The following ANAPC5 variants were observed in gnomAD, a reference collection of about 807,000 sequenced individuals.
ANAPC5 encodes the protein anaphase promoting complex subunit 5, also known as anaphase-promoting complex subunit 5.
In ANAPC5, 60 loss-of-function variants were observed where a neutral mutation model predicts 91.3. That is an observed-to-expected ratio of 0.66 (90% CI 0.53 to 0.81). The LOEUF (loss-of-function observed/expected upper bound fraction) is 0.81, where lower values mean the gene tolerates loss of function less well. ANAPC5 is among the 40% of genes least tolerant of loss of function. The probability of loss-of-function intolerance (pLI) is 0.00; values close to 1 mark genes in which losing one functional copy is unlikely to be tolerated. For synonymous variants in ANAPC5, 340 were observed against 364.1 expected (o/e 0.93, Z 0.75); for missense variants, 690 against 931.5 (o/e 0.74, Z 3.37).
At chr12:121,309,589 C>T (rs1240613176) in intron 16 of ANAPC5, 112 bp downstream of exon 16, 3 of 1,248,368 alleles carry the variant, frequency 2.4e-6, no homozygotes, top group South Asian at 1.5e-5. Flanking sequence ...TATTTGTGAA[C>T]ACTCAGAACT....
rs1555272514 is a variant in ANAPC5, at chr12:121,328,296, C to G, written c.1304+20G>C. The G allele has an allele frequency of 6.2e-7, 1 of 1,612,176 alleles. No homozygotes were observed. The highest frequency in any genetic ancestry group is 1.3e-5 in the African/African-American group (1 of 74,840). ...CTTCTCTCTAAAGAATTCACACCCC[C>G]AGGGCCTTGGGAGACCTACCTGCGG... On this transcript the variant is annotated intron_variant, in intron 10 of 16. Transcript: ENST00000261819.
chr12:121,310,890 C>T (rs1391968772), intron 15 of ANAPC5, among the ~76,000 whole-genome samples: 1 of 141,446 alleles, frequency 7.1e-6, no homozygotes, highest in African/African-American at 2.6e-5. Context: ...GCAGAGATCA[C>T]ACCACTGCAC....
At chr12:121,344,126 G>A (rs182041276) in intron 4 of ANAPC5, among the ~76,000 whole-genome samples, 3 of 152,264 alleles carry the variant, frequency 2.0e-5, no homozygotes, top group African/African-American at 7.2e-5. Flanking sequence ...CATTCTATGA[G>A]TCAGGCACTC....
chr12:121,344,319 CTGT>C (rs1555274397), intron 4 of ANAPC5, among the ~76,000 whole-genome samples: 7 of 152,176 alleles, frequency 4.6e-5, no homozygotes, highest in Non-Finnish European at 1.0e-4. Context: ...TGGCTCACGC[CTGT>C]AATCCCAGCA....
chr12:121,347,357 C>A (rs752928275), intron 2 of ANAPC5: 12 of 267,194 alleles, frequency 4.5e-5, no homozygotes, highest in Non-Finnish European at 8.5e-5. Context: ...CAGCCAGGTG[C>A]GGTTGCTCAC....
At chr12:121,349,370 G>A (rs1903797655) in intron 1 of ANAPC5, among the ~76,000 whole-genome samples, 1 of 152,044 alleles carries the variant, frequency 6.6e-6, no homozygotes, top group East Asian at 1.9e-4. Context: ...AGACTAGCCT[G>A]AGCAACATAG....
At chr12:121,331,129 T>C (rs1445717360) in intron 8 of ANAPC5, 1 of 487,382 alleles carries the variant, frequency 2.1e-6, no homozygotes, top group Non-Finnish European at 3.7e-6. Flanking sequence ...CATTAAACTT[T>C]GTAGAGCAGA....
chr12:121,308,786 C>A (rs1902042805), intron 16 of ANAPC5, 95 bp from the exon 17 acceptor site: 1 of 1,004,864 alleles, frequency 1.0e-6, no homozygotes, highest in South Asian at 1.4e-5. Flanking sequence ...TCAACAACTA[C>A]CAGAAGATTC....
chr12:121,327,388 C>T (rs1481986700), intron 10 of ANAPC5, 157 bp from the exon 11 acceptor site: 2 of 857,390 alleles, frequency 2.3e-6, no homozygotes, highest in Admixed American at 6.2e-5. Flanking sequence ...GCAACCTTGC[C>T]CTCAGGATAA....
At chr12:121,346,159 C>A in intron 3 of ANAPC5, 128 bp from the exon 4 acceptor site, 1 of 730,170 alleles carries the variant, frequency 1.4e-6, no homozygotes, top group Non-Finnish European at 2.2e-6. Context: ...GAGACACTTG[C>A]AGTTGCCATT....
chr12:121,309,631 T>G, intron 16 of ANAPC5, 70 bp downstream of exon 16: 1 of 1,500,260 alleles, frequency 6.7e-7, no homozygotes, highest in Non-Finnish European at 8.9e-7. Flanking sequence ...TGTCTTTTCT[T>G]CTTCTGGGTC....
Position 121,337,383 on chromosome 12 carries a change from G to A in ANAPC5, c.667C>T (p.Leu223=). 7 of 1,611,474 alleles carry A rather than the reference G, an allele frequency of 4.3e-6. No homozygotes were observed. The highest frequency in any genetic ancestry group is 5.9e-6 in the Non-Finnish European group (7 of 1,178,114). Residue 223 remains leucine (L), a synonymous_variant, in exon 6 of 17, where the codon CTA becomes TTA. Coordinates refer to ENST00000261819, the MANE Select transcript of ANAPC5 (RefSeq NM_016237.5). ...AGGGCCTTAGTCTCATCATTCTTTA[G>A]CAAAGAAGCCTGAAATTTAAAAATG... is the stretch of plus-strand genomic sequence containing the variant. ...EFFLSQQASL[L]KNDETKALTP...
intron 10 of ANAPC5, 94 bp downstream of exon 10, chr12:121,328,222 G>A: frequency 1.8e-6 from 2 of 1,132,480 alleles, no homozygotes; most frequent in South Asian, 1.4e-5. Context: ...TCCAAGGCAG[G>A]TAAATCTTGT....
intron 5 of ANAPC5, among the ~76,000 whole-genome samples, chr12:121,340,083 G>A (rs1404525271): frequency 5.3e-5 from 8 of 151,578 alleles, no homozygotes; most frequent in Non-Finnish European, 1.0e-4. Flanking sequence ...TTGGGACGCC[G>A]AGGTGGGCAG....
rs560097160 is a variant in ANAPC5, at chr12:121,327,074, G to A, written c.1440+22C>T. The A allele has an allele frequency of 1.6e-5, 25 of 1,577,862 alleles. No individual in the cohort carries two copies. In the Middle Eastern group the frequency reaches 6.7e-4, roughly 42 times the overall value. On this transcript the variant is annotated intron_variant, in intron 11 of 16. Transcript: ENST00000261819. ...AGAGCCTCCATTGCTCCAGAAGCAC[G>A]TGGGCCCGGCCACCTGCCTACCTGC...
chr12:121,315,667 G>A (rs1215598842), intron 15 of ANAPC5, among the ~76,000 whole-genome samples: 1 of 152,062 alleles, frequency 6.6e-6, no homozygotes, highest in Non-Finnish European at 1.5e-5. Context: ...TTGATCAACT[G>A]GTTTTTAACA....
At chr12:121,340,524 G>A (rs527475609) in intron 5 of ANAPC5, among the ~76,000 whole-genome samples, 2 of 151,842 alleles carry the variant, frequency 1.3e-5, no homozygotes, top group East Asian at 3.9e-4. Flanking sequence ...CATCTGCAGA[G>A]GTAATTCCGT....
intron 11 of ANAPC5, among the ~76,000 whole-genome samples, chr12:121,321,608 T>C (rs1301010467): frequency 2.0e-5 from 3 of 149,948 alleles, no homozygotes; most frequent in African/African-American, 5.0e-5. Flanking sequence ...CTTGACTCAC[T>C]GCAACCTCCT....
upstream of ANAPC5, among the ~76,000 whole-genome samples, chr12:121,352,713 T>TG (rs1555275614): frequency 0.047 from 6,221 of 131,824 alleles, 239 homozygotes; most frequent in Admixed American, 0.07. Context: ...TGTTGGTTGT[T>TG]GTTGTTGGTG....
Sources: allele counts gnomAD v4.1 joint callset (sites outside exome capture counted in the v4.1 genomes callset), GRCh38; gene constraint gnomAD v4.1.1; transcripts MANE v1.5; gene names NCBI Gene and HGNC (gene_info 2026-07-23, HGNC 2026-07-21).